AGPS: variants seen among roughly 807,000 people sequenced by gnomAD.
The protein encoded by AGPS is alkylglycerone phosphate synthase, also known as alkyldihydroxyacetonephosphate synthase, peroxisomal.
AGPS carries 26 observed loss-of-function variants against 90.7 expected under a neutral mutation model. The ratio of observed to expected loss-of-function variants is 0.29; its 90% CI spans 0.21 to 0.40. The LOEUF (loss-of-function observed/expected upper bound fraction) is 0.40, where lower values mean the gene tolerates loss of function less well. AGPS is among the 10% of genes least tolerant of loss of function. AGPS has a pLI of 1.00. For missense variants in AGPS, 540 were observed against 816.1 expected (o/e 0.66, Z 4.12); for synonymous variants, 294 against 285.3 (o/e 1.03, Z -0.31).
rs1010744857 is a variant in AGPS at position 177,392,993 on chromosome 2, G to T, written c.204G>T (p.Thr68=). Residue 68 remains threonine (T), a synonymous_variant, in exon 1 of 20, where the codon ACG becomes ACT. Coordinates refer to ENST00000264167, the MANE Select transcript of AGPS (RefSeq NM_003659.4). ...CKARRAASAA[T]AAPTATPAAQ... ...CGCGGAGAGCCGCGTCGGCGGCCACGGCAGCGCCCACGGCCACTCCCGCCG... is the reference window on the plus strand; with the variant it reads ...CGCGGAGAGCCGCGTCGGCGGCCACTGCAGCGCCCACGGCCACTCCCGCCG... 1.3e-6 allele frequency: 2 copies of T among 1,550,052 alleles called. No homozygotes were observed. The highest frequency in any genetic ancestry group is 2.4e-5 in the East Asian group (1 of 40,896).
At chr2:177,462,283 C>T (rs1452747465) in intron 9 of AGPS, among the ~76,000 whole-genome samples, 1 of 150,600 alleles carries the variant, frequency 6.6e-6, no homozygotes, top group Admixed American at 6.7e-5. Flanking sequence ...GTCCCAGCTA[C>T]TCGGGAGGCT....
chr2:177,474,125 A>T (rs1218484679), intron 10 of AGPS, among the ~76,000 whole-genome samples: 1 of 152,228 alleles, frequency 6.6e-6, no homozygotes, highest in Non-Finnish European at 1.5e-5. Flanking sequence ...TTGTACATTT[A>T]TAAAATTTGG....
At chr2:177,507,855 G>A in intron 15 of AGPS, 115 bp from the exon 16 acceptor site, 5 of 815,742 alleles carry the variant, frequency 6.1e-6, no homozygotes, top group Non-Finnish European at 1.1e-5. Flanking sequence ...GTAAAGAGTG[G>A]ATGAAGTTAA....
At chr2:177,531,320 A>C (rs917186894) in intron 19 of AGPS, among the ~76,000 whole-genome samples, 3 of 152,216 alleles carry the variant, frequency 2.0e-5, no homozygotes, top group African/African-American at 4.8e-5. Context: ...ACAAGATCAC[A>C]CACAAAAATC....
At chr2:177,398,593 C>T (rs1263956934) in intron 1 of AGPS, among the ~76,000 whole-genome samples, 1 of 152,216 alleles carries the variant, frequency 6.6e-6, no homozygotes. Context: ...TATCTACTTA[C>T]TATTCATCAA....
chr2:177,411,636 A>G (rs1263758996), intron 1 of AGPS, among the ~76,000 whole-genome samples: 3 of 152,320 alleles, frequency 2.0e-5, no homozygotes, highest in South Asian at 4.1e-4. Flanking sequence ...TAGCAGTAAC[A>G]TTATATTTTT....
chr2:177,460,562 A>G (rs1187644119), intron 8 of AGPS, among the ~76,000 whole-genome samples: 2 of 152,210 alleles, frequency 1.3e-5, no homozygotes, highest in African/African-American at 2.4e-5. Context: ...AGTACCTGGT[A>G]CATCTTAGGG....
intron 2 of AGPS, among the ~76,000 whole-genome samples, chr2:177,423,647 T>C (rs1271148253): frequency 1.3e-5 from 2 of 152,164 alleles, no homozygotes; most frequent in Non-Finnish European, 2.9e-5. Flanking sequence ...TATACGGAAA[T>C]GTAGTTGATT....
At chr2:177,431,504 G>A (rs1366466805) in intron 2 of AGPS, among the ~76,000 whole-genome samples, 1 of 152,118 alleles carries the variant, frequency 6.6e-6, no homozygotes, top group African/African-American at 2.4e-5. Context: ...ATAAGCCAGA[G>A]GGTAATGCAG....
At chr2:177,395,750 C>T (rs2105580111) in intron 1 of AGPS, among the ~76,000 whole-genome samples, 1 of 152,310 alleles carries the variant, frequency 6.6e-6, no homozygotes, top group South Asian at 2.1e-4. Flanking sequence ...CCTTTTATTA[C>T]TTTGGATGAT....
intron 2 of AGPS, among the ~76,000 whole-genome samples, chr2:177,431,891 A>G (rs1285921009): frequency 6.6e-6 from 1 of 152,212 alleles, no homozygotes; most frequent in Non-Finnish European, 1.5e-5. Flanking sequence ...TTCTCAGCTT[A>G]TGAAGATAAC....
At chr2:177,399,275 G>T (rs1685266706) in intron 1 of AGPS, among the ~76,000 whole-genome samples, 1 of 152,184 alleles carries the variant, frequency 6.6e-6, no homozygotes, top group Admixed American at 6.5e-5. Context: ...AACTTCTGCT[G>T]TTATTCCGAT....
chr2:177,468,854 A>G (rs77289709), intron 10 of AGPS, among the ~76,000 whole-genome samples: 1 of 152,174 alleles, frequency 6.6e-6, no homozygotes, highest in African/African-American at 2.4e-5. Context: ...AAATCTTGTC[A>G]GAATTATCGG....
rs76055294 is a variant in AGPS, at chr2:177,532,911, A to G, written c.1856-5163A>G. 1.2e-4 allele frequency among the ~76,000 whole-genome samples: 19 copies of G among 152,358 alleles called. No individual in the cohort carries two copies. In the East Asian group the frequency reaches 2.9e-3, roughly 23 times the overall value. ...TTACATACTGCCTGGTTCTATTTCT[A>G]TAACATTTTTGAAATGACAAAATCT... is the stretch of plus-strand genomic sequence containing the variant. On this transcript the variant is annotated intron_variant, in intron 19 of 19. Coordinates refer to ENST00000264167, the MANE Select transcript of AGPS (RefSeq NM_003659.4).
intron 11 of AGPS, among the ~76,000 whole-genome samples, chr2:177,485,746 G>T (rs1375422638): frequency 1.3e-5 from 2 of 151,996 alleles, no homozygotes; most frequent in Non-Finnish European, 2.9e-5. Context: ...GCGAAACCCT[G>T]TCTCTATAAA....
At chr2:177,408,436 A>G (rs956138391) in intron 1 of AGPS, among the ~76,000 whole-genome samples, 6 of 152,260 alleles carry the variant, frequency 3.9e-5, no homozygotes, top group Non-Finnish European at 4.4e-5. Flanking sequence ...GCAAATTTCC[A>G]TAGCGGATCA....
intron 2 of AGPS, among the ~76,000 whole-genome samples, chr2:177,429,766 T>C (rs1049520447): frequency 6.6e-6 from 1 of 152,310 alleles, no homozygotes; most frequent in Non-Finnish European, 1.5e-5. Context: ...GAGACCCCTG[T>C]TGGGAGCTCT....
chr2:177,480,118 TGTG>T (rs1194697874), intron 10 of AGPS, among the ~76,000 whole-genome samples: 1 of 152,052 alleles, frequency 6.6e-6, no homozygotes, highest in African/African-American at 2.4e-5. Context: ...AGGCACAGGT[TGTG>T]GTGAGCCGAG....
intron 14 of AGPS, among the ~76,000 whole-genome samples, chr2:177,500,997 T>A (rs1688546998): frequency 6.6e-6 from 1 of 152,188 alleles, no homozygotes; most frequent in Non-Finnish European, 1.5e-5. Flanking sequence ...AGTACGTATG[T>A]AATTTGATTA....
Sources: allele counts gnomAD v4.1 joint callset (sites outside exome capture counted in the v4.1 genomes callset), GRCh38; gene constraint gnomAD v4.1.1; transcripts MANE v1.5; gene names NCBI Gene and HGNC (gene_info 2026-07-23, HGNC 2026-07-21).